The following ZC3H13 variants were observed in gnomAD, a reference collection of about 807,000 sequenced individuals.
The protein encoded by ZC3H13 is zinc finger CCCH-type containing 13.
In ZC3H13, 64 loss-of-function variants were observed where a neutral mutation model predicts 204.1. The ratio of observed to expected loss-of-function variants is 0.31; its 90% CI spans 0.26 to 0.39. The LOEUF (loss-of-function observed/expected upper bound fraction) is 0.39. Among genes scored for constraint, ZC3H13 ranks in the 10% least tolerant of loss-of-function variants. ZC3H13 has a pLI of 1.00. For missense variants in ZC3H13, 1,833 were observed against 2,082.7 expected (o/e 0.88, Z 2.33); for synonymous variants, 667 against 693.7 (o/e 0.96, Z 0.60).
In ZC3H13 at chr13:45,968,796, T is replaced by C; in HGVS notation, c.3748A>G (p.Arg1250Gly). 1.2e-6 allele frequency: 2 copies of C among 1,613,122 alleles called. No homozygotes were observed. Among genetic ancestry groups the C allele is most frequent in the Non-Finnish European group, 8.5e-7 (1 of 1,179,766 alleles). Residue 1250 changes from arginine (R) to glycine (G), a missense_variant, in exon 14 of 19, where the codon AGG becomes GGG. Arg to Gly is a moderately radical substitution (Grantham distance 125). This residue lies in a region of ZC3H13 where 1,574 missense variants were observed against 1,757.2 expected (regional missense o/e 0.90). Coordinates refer to ENST00000679008, the MANE Select transcript of ZC3H13 (RefSeq NM_001330564.2). ...SLEITGERKS[R>G]IDQLKRGEPS... ...TCTCCACGCTTTAACTGATCAATCCTAGATTTTCTCTCTCCTGTGATTTCC... is the reference window on the plus strand; with the variant it reads ...TCTCCACGCTTTAACTGATCAATCCCAGATTTTCTCTCTCCTGTGATTTCC...
At chr13:46,010,619 G>T in intron 6 of ZC3H13, 114 bp from the exon 7 acceptor site, 1 of 1,137,078 alleles carries the variant, frequency 8.8e-7, no homozygotes, top group Non-Finnish European at 1.2e-6. Context: ...ATTATTGCCG[G>T]GTGCAGTGGT....
At position 45,985,670 on chromosome 13, in the gene ZC3H13, G is replaced by A. The variant is rs375256031; in HGVS notation, c.1347C>T (p.Asp449=). 1 of 1,613,910 alleles carries A rather than the reference G, an allele frequency of 6.2e-7. No individual in the cohort carries two copies. Residue 449 remains aspartate, a synonymous_variant, in exon 10 of 19, where the codon GAC becomes GAT. Coordinates refer to ENST00000679008, the MANE Select transcript of ZC3H13 (RefSeq NM_001330564.2). The part of the protein sequence containing the change: ...DQSSSRDHRD[D]REPRDGRDRR... ...GATCCCGACCATCTCGAGGTTCTCT[G>A]TCATCTCTGTGGTCTCTAGAAGAGC...
Position 45,997,528 on chromosome 13 carries a change from C to T in ZC3H13, c.944+5611G>A, listed in dbSNP as rs79423054. ...ACCCCTAAAATCCACCAGTGGACTT[C>T]GGGTTAGAAGCACCTGATACAGAAC... On this transcript the variant is annotated intron_variant, in intron 8 of 18. Transcript: ENST00000679008. Among the ~76,000 whole-genome samples, 1,294 of 152,252 alleles carry T rather than the reference C, an allele frequency of 8.5e-3. 18 individuals are homozygous for T. Among genetic ancestry groups the T allele is most frequent in the African/African-American group, 0.029 (1,213 of 41,552 alleles).
chr13:46,021,127 C>G (rs1247376982), intron 4 of ZC3H13, among the ~76,000 whole-genome samples: 1 of 151,948 alleles, frequency 6.6e-6, no homozygotes, highest in Non-Finnish European at 1.5e-5. Context: ...AATCCAAACT[C>G]ATTTAATAGT....
chr13:46,028,519 C>G (rs1428135655), intron 4 of ZC3H13, among the ~76,000 whole-genome samples: 4 of 152,184 alleles, frequency 2.6e-5, no homozygotes, highest in African/African-American at 9.7e-5. Context: ...ACATTCTTCT[C>G]AAGCTCATAC....
intron 7 of ZC3H13, among the ~76,000 whole-genome samples, chr13:46,004,738 T>C (rs1355316903): frequency 6.6e-6 from 1 of 152,150 alleles, no homozygotes; most frequent in Non-Finnish European, 1.5e-5. Flanking sequence ...TATATATTCA[T>C]CATAAATTTC....
intron 12 of ZC3H13, among the ~76,000 whole-genome samples, chr13:45,974,652 T>C (rs1422374931): frequency 1.3e-5 from 2 of 152,086 alleles, no homozygotes; most frequent in Admixed American, 6.6e-5. Context: ...TTACAAGGAT[T>C]CCCTCAGTTC....
chr13:46,007,821 C>T (rs180845555), intron 7 of ZC3H13, among the ~76,000 whole-genome samples: 80 of 152,280 alleles, frequency 5.3e-4, no homozygotes, highest in Middle Eastern at 3.4e-3. Flanking sequence ...TCTTTTCTCT[C>T]TCTCTTCAAA....
intron 4 of ZC3H13, among the ~76,000 whole-genome samples, chr13:46,023,300 C>T (rs1024135014): frequency 2.0e-5 from 3 of 152,172 alleles, no homozygotes; most frequent in Non-Finnish European, 4.4e-5. Flanking sequence ...CATTTCCAGA[C>T]AGTTCTAATT....
chr13:46,039,276 A>C (rs919437296), intron 4 of ZC3H13, among the ~76,000 whole-genome samples: 1 of 152,190 alleles, frequency 6.6e-6, no homozygotes, highest in Non-Finnish European at 1.5e-5. Context: ...AACCCTTATG[A>C]TAAACAACAC....
chr13:45,974,855 CTT>C (rs113260299), intron 12 of ZC3H13, among the ~76,000 whole-genome samples: 2 of 146,290 alleles, frequency 1.4e-5, no homozygotes, highest in African/African-American at 2.5e-5. Context: ...ACTGAAAAAA[CTT>C]TTTTTTTTTT....
rs1325596436 is a variant in ZC3H13 at position 46,048,038 on chromosome 13, C to CA, written c.-9-2523dup. Among the ~76,000 whole-genome samples, 3 of 152,266 alleles carry CA rather than the reference C, an allele frequency of 2.0e-5. No homozygotes were observed. The East Asian group carries it at 5.8e-4, about 29-fold the overall frequency. ...CCTCCACTCCCAGCTCAGTCTCCTT[C>CA]AAAAAATTCAATGGTAATGGTTTCC... On this transcript the variant is annotated intron_variant, in intron 1 of 18. Transcript: ENST00000679008.
intron 1 of ZC3H13, 60 bp from the exon 2 acceptor site, chr13:46,045,576 C>G: frequency 8.7e-7 from 1 of 1,143,206 alleles, no homozygotes; most frequent in Non-Finnish European, 1.3e-6. Flanking sequence ...ATAACTGAGC[C>G]CACAGCTTAC....
intron 4 of ZC3H13, among the ~76,000 whole-genome samples, chr13:46,028,806 G>A (rs943434229): frequency 6.6e-5 from 10 of 151,954 alleles, no homozygotes; most frequent in Non-Finnish European, 1.2e-4. Flanking sequence ...AGTAAACACT[G>A]TACCCAAAGA....
intron 5 of ZC3H13, among the ~76,000 whole-genome samples, chr13:46,012,482 A>G (rs1206851369): frequency 6.6e-6 from 1 of 152,192 alleles, no homozygotes; most frequent in African/African-American, 2.4e-5. Flanking sequence ...AACAACAAAC[A>G]TAAGAAGTCC....
intron 5 of ZC3H13, among the ~76,000 whole-genome samples, chr13:46,013,718 A>G (rs2041728107): frequency 6.6e-6 from 1 of 152,228 alleles, no homozygotes; most frequent in Non-Finnish European, 1.5e-5. Flanking sequence ...TCAGGTTATC[A>G]CTACAATTTT....
chr13:45,962,882 A>T (rs930004390), intron 17 of ZC3H13: 85 of 985,242 alleles, frequency 8.6e-5, no homozygotes, highest in Non-Finnish European at 1.0e-4. Flanking sequence ...TTGCAAAATA[A>T]ACTAAGGTAG....
intron 10 of ZC3H13, among the ~76,000 whole-genome samples, chr13:45,980,275 TC>T (rs1309417878): frequency 1.3e-5 from 2 of 150,854 alleles, no homozygotes; most frequent in South Asian, 2.1e-4. Flanking sequence ...AATTAACCTG[TC>T]CCCCCAAAAA....
At chr13:45,987,216 C>T (rs1241023243) in intron 9 of ZC3H13, among the ~76,000 whole-genome samples, 1 of 152,174 alleles carries the variant, frequency 6.6e-6, no homozygotes, top group Non-Finnish European at 1.5e-5. Flanking sequence ...GGAACAATTG[C>T]CTGCTAAATC....
Sources: allele counts gnomAD v4.1 joint callset (sites outside exome capture counted in the v4.1 genomes callset), GRCh38; gene constraint gnomAD v4.1.1; regional missense constraint gnomAD v4.1.1; transcripts MANE v1.5; gene names NCBI Gene and HGNC (gene_info 2026-07-23, HGNC 2026-07-21).